The following CACNA1A variants were observed in gnomAD, a reference collection of about 807,000 sequenced individuals.
CACNA1A encodes calcium voltage-gated channel subunit alpha1 A, also known as voltage-dependent P/Q-type calcium channel subunit alpha-1A.
CACNA1A carries 57 observed loss-of-function variants against 262.4 expected under a neutral mutation model. The observed-to-expected ratio is 0.22, with a 90% CI of 0.18 to 0.27. The LOEUF is 0.27. Among genes scored for constraint, CACNA1A ranks in the 10% least tolerant of loss-of-function variants. The pLI is 1.00. For missense variants in CACNA1A, 2,526 were observed against 3,562.8 expected (o/e 0.71, Z 7.41); for synonymous variants, 1,431 against 1,419.3 (o/e 1.01, Z -0.18).
At chr19:13,427,515 G>T (rs1455081395) in intron 3 of CACNA1A, among the ~76,000 whole-genome samples, 1 of 150,534 alleles carries the variant, frequency 6.6e-6, no homozygotes, top group Non-Finnish European at 1.5e-5. Flanking sequence ...CCTATGAGCT[G>T]CTAGAAGCTG....
Position 13,207,766 on chromosome 19 carries a change from C to A in CACNA1A, c.7068G>T (p.Thr2356=). 7.3e-7 allele frequency: 1 copy of A among 1,378,078 alleles called. No individual in the cohort carries two copies. The highest frequency in any genetic ancestry group is 9.3e-7 in the Non-Finnish European group (1 of 1,074,256). 85.4% of individuals were successfully genotyped at this position (1,378,078 alleles called of 1,614,324 possible). A position where few individuals can be genotyped will look rare whatever the true frequency, so the allele number is the denominator to read the frequency against. Residue 2356 remains threonine, a synonymous_variant, in exon 47 of 47, where the codon ACG becomes ACT. Coordinates refer to ENST00000360228, the MANE Select transcript of CACNA1A (RefSeq NM_001127222.2). The surrounding 1 kb of genome is among the most constrained non-coding windows in gnomAD (Gnocchi z 5.7). ...AEPLAGDRPP[T]GGHSSGRSPR... ...GCGAGCGGCCGCTGCTGTGGCCCCCCGTGGGCGGCCGATCTCCGGCCAGAG... is the reference window on the plus strand; with the variant it reads ...GCGAGCGGCCGCTGCTGTGGCCCCCAGTGGGCGGCCGATCTCCGGCCAGAG...
intron 19 of CACNA1A, among the ~76,000 whole-genome samples, chr19:13,289,331 G>A (rs1389849408): frequency 5.9e-5 from 9 of 151,838 alleles, no homozygotes. Context: ...TCTTTTTGTA[G>A]AGATGAGGTC....
intron 3 of CACNA1A, among the ~76,000 whole-genome samples, chr19:13,426,945 T>C (rs930344742): frequency 2.0e-5 from 3 of 152,212 alleles, no homozygotes; most frequent in Admixed American, 2.0e-4. Flanking sequence ...AAAATAGAAT[T>C]TGTCTAAAAA....
chr19:13,436,566 C>CTCAT (rs1568643146), intron 3 of CACNA1A, among the ~76,000 whole-genome samples: 2 of 152,100 alleles, frequency 1.3e-5, no homozygotes. Context: ...CATCCACTCA[C>CTCAT]TCATTCATTC....
At chr19:13,209,630 C>T in intron 44 of CACNA1A, 132 bp from the exon 45 acceptor site, 2 of 591,620 alleles carry the variant, frequency 3.4e-6, no homozygotes, top group Non-Finnish European at 5.0e-6. Flanking sequence ...GGGCAGGGGC[C>T]AGGGGATGCC....
chr19:13,245,138 G>A (rs368683550), intron 31 of CACNA1A, 44 bp downstream of exon 31: 105 of 1,513,860 alleles, frequency 6.9e-5, no homozygotes, highest in Non-Finnish European at 8.6e-5. Flanking sequence ...CGCCTGCCTC[G>A]TCCAGCCCAG....
At chr19:13,428,266 G>T (rs962486990) in intron 3 of CACNA1A, among the ~76,000 whole-genome samples, 4 of 152,074 alleles carry the variant, frequency 2.6e-5, no homozygotes, top group African/African-American at 9.7e-5. Flanking sequence ...AGATTAAATG[G>T]GTTAATATTT....
At chr19:13,485,820 G>A (rs1232846867) in intron 1 of CACNA1A, among the ~76,000 whole-genome samples, 5 of 152,122 alleles carry the variant, frequency 3.3e-5, no homozygotes, top group Non-Finnish European at 5.9e-5. Flanking sequence ...GTTTAGTCAA[G>A]GTGAAAATGT....
At chr19:13,235,307 T>TG (rs753882293) in intron 32 of CACNA1A, 33 bp from the exon 33 acceptor site, 2 of 1,550,472 alleles carry the variant, frequency 1.3e-6, no homozygotes, top group South Asian at 2.4e-5. Context: ...AGAAGAGTGC[T>TG]GGGGGTCCCT....
At chr19:13,454,620 C>A (rs572632999) in intron 2 of CACNA1A, among the ~76,000 whole-genome samples, 4 of 152,134 alleles carry the variant, frequency 2.6e-5, no homozygotes, top group Non-Finnish European at 5.9e-5. Context: ...GATCTACCTG[C>A]CTTGGCCTCC....
At chr19:13,414,712 C>T (rs2060190900) in intron 3 of CACNA1A, among the ~76,000 whole-genome samples, 1 of 151,708 alleles carries the variant, frequency 6.6e-6, no homozygotes, top group African/African-American at 2.4e-5. Context: ...AGTCCCAGCA[C>T]TTTGAGAGAC....
chr19:13,443,930 A>C (rs1438984473), intron 3 of CACNA1A, among the ~76,000 whole-genome samples: 2 of 152,198 alleles, frequency 1.3e-5, no homozygotes, highest in African/African-American at 4.8e-5. Context: ...TCAATGTGAT[A>C]ATACACATAA....
intron 4 of CACNA1A, chr19:13,371,280 G>A (rs1165871939): frequency 5.9e-6 from 1 of 169,584 alleles, no homozygotes; most frequent in Non-Finnish European, 1.3e-5. Context: ...CCCAGGCTTG[G>A]AGTCACACTT....
chr19:13,230,602 T>TG, intron 35 of CACNA1A, among the ~76,000 whole-genome samples: 1 of 151,752 alleles, frequency 6.6e-6, no homozygotes, highest in South Asian at 2.1e-4. Flanking sequence ...GTCAGGAGTT[T>TG]GAGACCAGCC....
chr19:13,407,160 C>A (rs1376935108), intron 3 of CACNA1A, among the ~76,000 whole-genome samples: 1 of 152,198 alleles, frequency 6.6e-6, no homozygotes, highest in African/African-American at 2.4e-5. Flanking sequence ...GCCTGACACA[C>A]AAAATGCACC....
At chr19:13,362,798 T>C (rs1361213544) in intron 5 of CACNA1A, 2 of 152,234 alleles carry the variant, frequency 1.3e-5, no homozygotes, top group Non-Finnish European at 2.9e-5. Flanking sequence ...CCTTCCACTT[T>C]ATCTTTGCTT....
intron 3 of CACNA1A, among the ~76,000 whole-genome samples, chr19:13,376,852 A>C (rs947026611): frequency 6.9e-6 from 1 of 145,462 alleles, no homozygotes; most frequent in Non-Finnish European, 1.5e-5. Context: ...GATATATAAC[A>C]CATATGTTAT....
intron 3 of CACNA1A, among the ~76,000 whole-genome samples, chr19:13,419,277 C>T (rs1253006324): frequency 6.6e-6 from 1 of 152,198 alleles, no homozygotes; most frequent in Admixed American, 6.5e-5. Flanking sequence ...ATAGGGTATG[C>T]CCCATAACTG....
intron 10 of CACNA1A, among the ~76,000 whole-genome samples, chr19:13,322,311 A>G (rs1054236112): frequency 6.6e-6 from 1 of 152,174 alleles, no homozygotes; most frequent in Non-Finnish European, 1.5e-5. Context: ...AACACCAAGT[A>G]TCGCTGGCAG....
Sources: gnomAD v4.1 joint callset for allele counts (sites outside exome capture counted in the v4.1 genomes callset) on GRCh38, gnomAD v4.1.1 for gene constraint, Gnocchi (gnomAD v3.1) non-coding constraint, MANE v1.5 for transcripts, NCBI Gene and HGNC (gene_info 2026-07-23, HGNC 2026-07-21) for gene names.